CTNNA3: variants seen among roughly 807,000 people sequenced by gnomAD.
The protein encoded by CTNNA3 is catenin alpha-3.
Under a neutral mutation model 95.7 loss-of-function variants are expected in CTNNA3, and 76 were observed. That is an observed-to-expected ratio of 0.79 (90% CI 0.66 to 0.96). The LOEUF is 0.96. CTNNA3 is among the 40% of genes least tolerant of loss of function. The probability of loss-of-function intolerance (pLI) is 0.00; values close to 1 mark genes in which losing one functional copy is unlikely to be tolerated. For missense variants in CTNNA3, 1,191 were observed against 1,089.8 expected, an observed-to-expected ratio of 1.09 and a Z score of -1.31; for synonymous variants, 431 against 374.4, an observed-to-expected ratio of 1.15 and a Z score of -1.74.
In CTNNA3 at chr10:66,212,542, CT is replaced by C. The variant is rs201903789; in HGVS notation, c.1884+67927del. 3.0e-3 allele frequency among the ~76,000 whole-genome samples: 458 copies of C among 151,834 alleles called. 1 individual carries two copies. The highest frequency in any genetic ancestry group is 0.011 in the African/African-American group (437 of 41,434). On this transcript the variant is annotated intron_variant, in intron 13 of 17. Coordinates refer to ENST00000433211, the MANE Select transcript of CTNNA3 (RefSeq NM_013266.4). ...TTTCGGAGTTGTGTTTCTGCTTAAT[CT>C]TTTTTTTGATGCTTTTGAAGAGGGT... is the stretch of plus-strand genomic sequence containing the variant.
rs542155556 is a variant in CTNNA3, at chr10:66,103,313, C to T, written c.1885-64G>A. The T allele has an allele frequency of 1.5e-4, 193 of 1,251,368 alleles. No homozygotes were observed. The East Asian group carries it at 2.2e-3, about 14-fold the overall frequency. 77.5% of individuals were successfully genotyped at this position (1,251,368 alleles called of 1,614,324 possible). On this transcript the variant is annotated intron_variant, in intron 13 of 17. Transcript: ENST00000433211. ...AAAGCATTTCTTCTTTGGAAAACAA[C>T]GCGGCAGTACCTTAAAAGGGTAATC...
chr10:65,932,269 T>C (rs902626961), intron 17 of CTNNA3, among the ~76,000 whole-genome samples: 2 of 152,172 alleles, frequency 1.3e-5, no homozygotes, highest in African/African-American at 2.4e-5. Flanking sequence ...ATGGGATGTA[T>C]ATATCCTGTT....
At chr10:67,240,927 T>C (rs574190702) in intron 5 of CTNNA3, among the ~76,000 whole-genome samples, 46 of 152,346 alleles carry the variant, frequency 3.0e-4, no homozygotes, top group African/African-American at 1.1e-3. Flanking sequence ...GTATTACATT[T>C]GTCTATTGTT....
chr10:66,108,055 A>C (rs1299079816), intron 13 of CTNNA3, among the ~76,000 whole-genome samples: 1 of 152,080 alleles, frequency 6.6e-6, no homozygotes, highest in African/African-American at 2.4e-5. Context: ...ATGAATGTCC[A>C]TCCCAAGCAG....
intron 13 of CTNNA3, among the ~76,000 whole-genome samples, chr10:66,117,017 A>G (rs1381599832): frequency 6.6e-6 from 1 of 152,184 alleles, no homozygotes; most frequent in Non-Finnish European, 1.5e-5. Flanking sequence ...GCCAAACCAT[A>G]TCACTGCATG....
At chr10:67,180,044 A>G (rs770570242) in intron 7 of CTNNA3, among the ~76,000 whole-genome samples, 49 of 152,110 alleles carry the variant, frequency 3.2e-4, no homozygotes, top group Admixed American at 5.9e-4. Context: ...CCTTTCTCCA[A>G]TCCTGATTCC....
intron 5 of CTNNA3, among the ~76,000 whole-genome samples, chr10:67,508,005 CT>C (rs1283618013): frequency 6.6e-6 from 1 of 151,904 alleles, no homozygotes. Flanking sequence ...AATGTATTTC[CT>C]TTTTTTGTTG....
intron 2 of CTNNA3, among the ~76,000 whole-genome samples, chr10:67,618,162 A>G (rs1843715222): frequency 6.6e-6 from 1 of 152,188 alleles, no homozygotes; most frequent in Non-Finnish European, 1.5e-5. Context: ...AAAAAGCAAA[A>G]AGTCAACCTT....
At chr10:66,324,359 C>T (rs2092228025) in intron 12 of CTNNA3, among the ~76,000 whole-genome samples, 1 of 152,118 alleles carries the variant, frequency 6.6e-6, no homozygotes. Flanking sequence ...CACATTCATC[C>T]TTCAAGTCCA....
intron 9 of CTNNA3, among the ~76,000 whole-genome samples, chr10:66,704,277 G>A (rs770867268): frequency 5.3e-5 from 8 of 151,966 alleles, no homozygotes; most frequent in South Asian, 2.1e-4. Context: ...TTCAACTTCC[G>A]CCACTGTCCA....
At chr10:66,854,383 G>A (rs1466907306) in intron 7 of CTNNA3, among the ~76,000 whole-genome samples, 1 of 151,950 alleles carries the variant, frequency 6.6e-6, no homozygotes, top group African/African-American at 2.4e-5. Flanking sequence ...TAGGTACTAT[G>A]TGAAGTGTTA....
At chr10:66,817,181 G>T (rs1034403635) in intron 7 of CTNNA3, among the ~76,000 whole-genome samples, 2 of 151,880 alleles carry the variant, frequency 1.3e-5, no homozygotes, top group Non-Finnish European at 2.9e-5. Flanking sequence ...ACTTATTCAT[G>T]TAACCAAACA....
chr10:66,509,745 T>C (rs985960777), intron 11 of CTNNA3, among the ~76,000 whole-genome samples: 15 of 152,134 alleles, frequency 9.9e-5, no homozygotes, highest in Admixed American at 5.9e-4. Context: ...TTTATACCCA[T>C]ACCATGTTGT....
intron 6 of CTNNA3, among the ~76,000 whole-genome samples, chr10:67,211,696 T>C (rs946803503): frequency 2.6e-5 from 4 of 152,168 alleles, no homozygotes; most frequent in African/African-American, 9.6e-5. Flanking sequence ...AATAAATGTA[T>C]TAAACTCAAG....
chr10:67,438,010 G>T (rs142226107), intron 5 of CTNNA3, among the ~76,000 whole-genome samples: 2,656 of 151,280 alleles, frequency 0.018, 81 homozygotes, highest in African/African-American at 0.061. Flanking sequence ...GGAGAAATAT[G>T]AAATAAAAGA....
At chr10:67,461,323 G>C (rs774172092) in intron 5 of CTNNA3, among the ~76,000 whole-genome samples, 1 of 151,668 alleles carries the variant, frequency 6.6e-6, no homozygotes, top group Non-Finnish European at 1.5e-5. Flanking sequence ...CAAGATCTTA[G>C]AAGGGTACTC....
At chr10:67,743,493 GA>G (rs1841355095) in intron 1 of CTNNA3, among the ~76,000 whole-genome samples, 1 of 151,102 alleles carries the variant, frequency 6.6e-6, no homozygotes, top group African/African-American at 2.4e-5. Context: ...GTATTGATGG[GA>G]CATATCTCAA....
chr10:66,367,904 TA>T, intron 12 of CTNNA3, among the ~76,000 whole-genome samples: 1 of 89,268 alleles, frequency 1.1e-5, no homozygotes. Context: ...TTATTATTAT[TA>T]TTATTATTAT....
At chr10:66,232,189 G>A (rs72797259) in intron 13 of CTNNA3, among the ~76,000 whole-genome samples, 3 of 151,974 alleles carry the variant, frequency 2.0e-5, no homozygotes, top group African/African-American at 7.3e-5. Context: ...CAGACAATAT[G>A]CACCTAAACT....
Sources: allele counts gnomAD v4.1 joint callset (sites outside exome capture counted in the v4.1 genomes callset), GRCh38; gene constraint gnomAD v4.1.1; transcripts MANE v1.5; gene names NCBI Gene and HGNC (gene_info 2026-07-23, HGNC 2026-07-21).